Variants in FLRT1 observed in about 807,000 individuals in gnomAD.
The protein encoded by FLRT1 is leucine-rich repeat transmembrane protein FLRT1.
In FLRT1, 14 loss-of-function variants were observed where a neutral mutation model predicts 30.9. That is an observed-to-expected ratio of 0.45 (90% CI 0.30 to 0.71). The LOEUF is 0.71. Ranked by LOEUF, FLRT1 falls within the 30% of genes least tolerant of loss-of-function variation. The probability of loss-of-function intolerance (pLI) is 0.08; values close to 1 mark genes in which losing one functional copy is unlikely to be tolerated. For synonymous variants in FLRT1, 368 were observed against 430.4 expected (o/e 0.85, Z 1.80); for missense variants, 737 against 949.2 (o/e 0.78, Z 2.94).
intron 1 of FLRT1, among the ~76,000 whole-genome samples, chr11:64,050,731 G>C (rs1000875070): frequency 6.6e-6 from 1 of 152,202 alleles, no homozygotes; most frequent in Admixed American, 6.5e-5. Flanking sequence ...CGATTCTCCT[G>C]CCTCAGCCTC....
In FLRT1 at chr11:64,118,550, G is replaced by A. The variant is rs1353120939; in HGVS notation, c.*258G>A. On this transcript the variant is annotated 3_prime_UTR_variant, in exon 3 of 3. Coordinates refer to ENST00000682287, the MANE Select transcript of FLRT1 (RefSeq NM_013280.5). ...ATTTATACCAAGTTATGCCAGTTGG[G>A]GAGGGAAGGACTAAAAATAATATTG... The A allele has an allele frequency of 2.3e-6, 1 of 430,542 alleles. No homozygotes were observed. The highest frequency in any genetic ancestry group is 4.2e-6 in the Non-Finnish European group (1 of 235,682). 26.7% of individuals were successfully genotyped at this position (430,542 alleles called of 1,614,324 possible). A position where few individuals can be genotyped will look rare whatever the true frequency, so the allele number is the denominator to read the frequency against.
chr11:64,049,952 C>T (rs1383554653), intron 1 of FLRT1, among the ~76,000 whole-genome samples: 1 of 152,244 alleles, frequency 6.6e-6, no homozygotes, highest in African/African-American at 2.4e-5. Context: ...TCAGAGCCCT[C>T]TTGGCCTAGC....
intron 1 of FLRT1, among the ~76,000 whole-genome samples, chr11:64,041,147 C>T (rs1416434347): frequency 1.4e-5 from 2 of 139,906 alleles, no homozygotes; most frequent in Non-Finnish European, 3.0e-5. Context: ...CCTTTCCCTC[C>T]TTCTGCCTGA....
At chr11:64,072,463 A>G (rs889870238) in intron 1 of FLRT1, among the ~76,000 whole-genome samples, 2 of 152,262 alleles carry the variant, frequency 1.3e-5, no homozygotes, top group Non-Finnish European at 2.9e-5. Context: ...TTGGATAAAT[A>G]TGAAACGTAC....
intron 1 of FLRT1, among the ~76,000 whole-genome samples, chr11:64,065,159 C>G (rs1943973760): frequency 6.6e-6 from 1 of 152,120 alleles, no homozygotes; most frequent in Non-Finnish European, 1.5e-5. Flanking sequence ...TAGAAGTGGC[C>G]CAGGGAACGG....
At chr11:64,038,117 GC>G in intron 1 of FLRT1, among the ~76,000 whole-genome samples, 1 of 152,144 alleles carries the variant, frequency 6.6e-6, no homozygotes, top group Non-Finnish European at 1.5e-5. Context: ...CATCTCCGAG[GC>G]CTCCCATGAA....
intron 1 of FLRT1, among the ~76,000 whole-genome samples, chr11:64,101,526 C>T (rs563325681): frequency 2.6e-4 from 40 of 152,304 alleles, no homozygotes; most frequent in Non-Finnish European, 5.1e-4. Flanking sequence ...GCCCGCTGCC[C>T]CTGCCCCACC....
At position 64,117,224 on chromosome 11, in the gene FLRT1, C is replaced by G. The variant is rs973224653; in HGVS notation, c.957C>G (p.Asn319Lys). ...LPRGLFDDLG[N>K]LAQLLLRNNP... Reference sequence around the variant, plus strand: ...GCGGCCTGTTCGACGACCTGGGGAACCTGGCCCAGCTGCTGCTCAGGAACA... The same window carrying G: ...GCGGCCTGTTCGACGACCTGGGGAAGCTGGCCCAGCTGCTGCTCAGGAACA... Residue 319 changes from asparagine (N) to lysine (K), a missense_variant, in exon 3 of 3, where the codon AAC (asparagine) becomes AAG (lysine). By Grantham distance (94) the Asn-to-Lys change is moderately conservative (BLOSUM62 0). Transcript: ENST00000682287. 6.2e-7 allele frequency: 1 copy of G among 1,614,208 alleles called. No homozygotes were observed. Among genetic ancestry groups the G allele is most frequent in the African/African-American group, 1.3e-5 (1 of 75,080 alleles).
intron 2 of FLRT1, among the ~76,000 whole-genome samples, chr11:64,111,748 C>A (rs1944866734): frequency 1.3e-5 from 2 of 152,228 alleles, no homozygotes; most frequent in African/African-American, 4.8e-5. Context: ...TGCATGCTGT[C>A]CTGGCTTCAA....
At chr11:64,040,353 C>T (rs79372819) in intron 1 of FLRT1, among the ~76,000 whole-genome samples, 28 of 152,210 alleles carry the variant, frequency 1.8e-4, no homozygotes, top group African/African-American at 6.5e-4. Flanking sequence ...AAACAAGGGC[C>T]TGGAGGACAG....
In FLRT1 at chr11:64,056,434, G is replaced by A. The variant is rs112599397; in HGVS notation, c.-1038+20275G>A. Among the ~76,000 whole-genome samples the A allele has an allele frequency of 3.9e-3, 589 of 152,328 alleles. 5 individuals carry two copies. Among genetic ancestry groups the A allele is most frequent in the Non-Finnish European group, 6.9e-3 (467 of 68,018 alleles). ...ACAGCCCAACCAGGCTGCCTGAGGG[G>A]AGGAGGGTGGGGAGGAAGGGGGAGC... On this transcript the variant is annotated intron_variant, in intron 1 of 2. Coordinates refer to ENST00000682287, the MANE Select transcript of FLRT1 (RefSeq NM_013280.5).
At chr11:64,038,561 A>C (rs555161875) in intron 1 of FLRT1, among the ~76,000 whole-genome samples, 1 of 152,076 alleles carries the variant, frequency 6.6e-6, no homozygotes, top group South Asian at 2.1e-4. Flanking sequence ...GTGCAGGGGG[A>C]GGATGAGGCC....
At chr11:64,047,424 G>T (rs1211731119) in intron 1 of FLRT1, among the ~76,000 whole-genome samples, 1 of 152,148 alleles carries the variant, frequency 6.6e-6, no homozygotes, top group Non-Finnish European at 1.5e-5. Context: ...ATGCCATGGG[G>T]TCCCTGTCCT....
rs1285247769 is a variant in FLRT1, at chr11:64,036,373, C to T, written c.-1038+214C>T. ...AAGAGCCAAGCACCAGTAGCGGTGG[C>T]GCTGGCCCCGCCGCGGGGAGGCGCG... On this transcript the variant is annotated intron_variant, in intron 1 of 2. Transcript: ENST00000682287. The surrounding 1 kb of genome is among the most constrained non-coding windows in gnomAD (Gnocchi z 5.6). Among the ~76,000 whole-genome samples, 2 of 152,134 alleles carry T rather than the reference C, an allele frequency of 1.3e-5. No individual in the cohort carries two copies. The highest frequency in any genetic ancestry group is 2.1e-4 in the South Asian group (1 of 4,834).
chr11:64,085,039 A>G (rs1009054050), intron 1 of FLRT1, among the ~76,000 whole-genome samples: 16 of 152,230 alleles, frequency 1.1e-4, no homozygotes, highest in African/African-American at 3.9e-4. Flanking sequence ...TTTTACAGAT[A>G]AAGAAACTGA....
At chr11:64,094,134 T>A (rs1279495753) in intron 1 of FLRT1, among the ~76,000 whole-genome samples, 1 of 152,036 alleles carries the variant, frequency 6.6e-6, no homozygotes, top group Non-Finnish European at 1.5e-5. Context: ...CCGACTCTAT[T>A]AAAAATACAA....
intron 1 of FLRT1, among the ~76,000 whole-genome samples, chr11:64,039,568 C>G (rs976495946): frequency 6.6e-6 from 1 of 152,092 alleles, no homozygotes; most frequent in Non-Finnish European, 1.5e-5. Context: ...ACTGGATGGC[C>G]GGGAGGAGAC....
In FLRT1 at chr11:64,116,478, G is replaced by C. The variant is rs777177875; in HGVS notation, c.211G>C (p.Gly71Arg). Residue 71 changes from glycine to arginine, a missense_variant, in exon 3 of 3, where the codon GGA becomes CGA. Coordinates refer to ENST00000682287, the MANE Select transcript of FLRT1 (RefSeq NM_013280.5). ...DNGFIYCNDRGLTSIPADIPD... is the reference protein window; with the variant it reads ...DNGFIYCNDRRLTSIPADIPD... Reference sequence around the variant, plus strand: ...CGGCTTCATCTACTGCAACGACCGGGGACTCACATCCATCCCCGCAGATAT... The same window carrying C: ...CGGCTTCATCTACTGCAACGACCGGCGACTCACATCCATCCCCGCAGATAT... 17 of 1,613,708 alleles carry C rather than the reference G, an allele frequency of 1.1e-5. No homozygotes were observed. In the Admixed American group the frequency reaches 2.8e-4, roughly 27 times the overall value.
intron 1 of FLRT1, among the ~76,000 whole-genome samples, chr11:64,065,946 G>T (rs1447594023): frequency 6.6e-6 from 1 of 152,132 alleles, no homozygotes; most frequent in Non-Finnish European, 1.5e-5. Flanking sequence ...CTTTCCAGGG[G>T]AGGTGACCTT....
Sources: gnomAD v4.1 joint callset for allele counts (sites outside exome capture counted in the v4.1 genomes callset) on GRCh38, gnomAD v4.1.1 for gene constraint, Gnocchi (gnomAD v3.1) non-coding constraint, MANE v1.5 for transcripts, NCBI Gene and HGNC (gene_info 2026-07-23, HGNC 2026-07-21) for gene names.